Variants in EVC observed in about 807,000 individuals in gnomAD.
The protein encoded by EVC is evC complex member EVC.
EVC carries 116 observed loss-of-function variants against 118.9 expected under a neutral mutation model. That is an observed-to-expected ratio of 0.98 (90% confidence interval 0.84 to 1.14). EVC has a LOEUF of 1.14. EVC is among the 50% of genes most tolerant of loss of function. The probability of loss-of-function intolerance (pLI) is 0.00; values close to 1 mark genes in which losing one functional copy is unlikely to be tolerated. For missense variants in EVC, 1,401 were observed against 1,246.4 expected, an observed-to-expected ratio of 1.12 and a Z score of -1.87; for synonymous variants, 619 against 534.7, an observed-to-expected ratio of 1.16 and a Z score of -2.18.
Position 5,802,078 on chromosome 4 carries a change from C to A in EVC, c.2433C>A (p.His811Gln). 6.2e-7 allele frequency: 1 copy of A among 1,611,494 alleles called. No homozygotes were observed. Among genetic ancestry groups the A allele is most frequent in the Non-Finnish European group, 8.5e-7 (1 of 1,179,198 alleles). The part of the protein sequence containing the change: ...MEDHEERKLQ[H>Q]LKTLQGERME... The stretch of plus-strand genomic sequence containing the variant: ...ACCACGAGGAGAGAAAACTGCAGCA[C>A]CTGAAGACCCTGCAGGGTACGGGAC... Residue 811 changes from histidine to glutamine, a missense_variant, in exon 16 of 21, where the codon CAC becomes CAA. Coordinates refer to ENST00000264956, the MANE Select transcript of EVC (RefSeq NM_153717.3).
chr4:5,828,776 T>C, the EVC span: 1 of 1,315,250 alleles, frequency 7.6e-7, no homozygotes, highest in Non-Finnish European at 1.0e-6. Flanking sequence ...TTCCAATGTT[T>C]TTTTTTCTCT....
At chr4:5,729,853 G>A (rs1726501949) in intron 3 of EVC, among the ~76,000 whole-genome samples, 1 of 152,164 alleles carries the variant, frequency 6.6e-6, no homozygotes, top group South Asian at 2.1e-4. Context: ...TTACACGTAA[G>A]GAAACTGAGG....
chr4:5,802,121 C>A (rs770692070), intron 16 of EVC, 27 bp downstream of exon 16: 1 of 1,613,942 alleles, frequency 6.2e-7, no homozygotes, highest in Non-Finnish European at 8.5e-7. Flanking sequence ...CAGGGAAGCC[C>A]CAGAAGAGAC....
intron 12 of EVC, among the ~76,000 whole-genome samples, chr4:5,787,437 G>A (rs1379595119): frequency 1.3e-5 from 2 of 152,226 alleles, no homozygotes; most frequent in Non-Finnish European, 2.9e-5. Flanking sequence ...CAGTGCCAGA[G>A]TGAGGAGTGA....
rs1727827383 is a variant in EVC at position 5,737,195 on chromosome 4, C to T, written c.702+3760C>T. Among the ~76,000 whole-genome samples the T allele has an allele frequency of 6.6e-6, 1 of 152,200 alleles. No homozygotes were observed. The highest frequency in any genetic ancestry group is 1.5e-5 in the Non-Finnish European group (1 of 68,050). Reference sequence around the variant, plus strand: ...CCAAAGCCTAATCCAGAGCAATACTCTAACTCTCTTCAATTCTGTGAGTGC... The same window carrying T: ...CCAAAGCCTAATCCAGAGCAATACTTTAACTCTCTTCAATTCTGTGAGTGC... On this transcript the variant is annotated intron_variant, in intron 5 of 20. Transcript: ENST00000264956. The surrounding 1 kb of genome is among the most constrained non-coding windows in gnomAD (Gnocchi z 5.0).
rs1399253816 is a variant in EVC, at chr4:5,802,077, AC to A, written c.2434del (p.Leu812Ter). ...MEDHEERKLQ[H>X]LKTLQGERME... is the part of the protein sequence containing the mutation. ...GACCACGAGGAGAGAAAACTGCAGC[AC>A]CTGAAGACCCTGCAGGGTACGGGAC... On this transcript the variant is annotated frameshift_variant, in exon 16 of 21. Transcript: ENST00000264956. LOFTEE classifies it high-confidence loss of function. The A allele has an allele frequency of 6.2e-7, 1 of 1,612,242 alleles. No homozygotes were observed. Among genetic ancestry groups the A allele is most frequent in the Non-Finnish European group, 8.5e-7 (1 of 1,179,538 alleles).
intron 2 of EVC, among the ~76,000 whole-genome samples, chr4:5,724,663 C>G (rs546309762): frequency 4.0e-5 from 6 of 151,394 alleles, no homozygotes; most frequent in South Asian, 2.1e-4. Flanking sequence ...TCCTTGGAAG[C>G]TTGGGGAGGT....
intron 11 of EVC, among the ~76,000 whole-genome samples, chr4:5,770,131 C>A (rs1733715366): frequency 6.6e-6 from 1 of 152,074 alleles, no homozygotes; most frequent in African/African-American, 2.4e-5. Context: ...CACTTACTCC[C>A]CCTGGCCACA....
At chr4:5,711,970 T>A (rs1477124390) in intron 1 of EVC, among the ~76,000 whole-genome samples, 2 of 152,194 alleles carry the variant, frequency 1.3e-5, no homozygotes, top group East Asian at 1.9e-4. Flanking sequence ...TCGCCTGGCC[T>A]GAGTCCCAGC....
intron 5 of EVC, among the ~76,000 whole-genome samples, chr4:5,739,595 G>A (rs1728208759): frequency 6.6e-6 from 1 of 152,194 alleles, no homozygotes; most frequent in South Asian, 2.1e-4. Context: ...CAAAAACTGT[G>A]GCCCTTGAGC....
Position 5,720,627 on chromosome 4 carries a change from G to T in EVC, c.300+1254G>T, listed in dbSNP as rs145902625. Among the ~76,000 whole-genome samples, 785 of 152,342 alleles carry T rather than the reference G, an allele frequency of 5.2e-3. 2 individuals are homozygous for T. Among genetic ancestry groups the T allele is most frequent in the Non-Finnish European group, 8.3e-3 (567 of 68,032 alleles). ...TAGTTACTCTGAACAATCAGCTTTT[G>T]CGTTAGCCCTGCATCTCCCTCCCTG... On this transcript the variant is annotated intron_variant, in intron 2 of 20. Transcript: ENST00000264956.
rs779407888 is a variant in EVC, at chr4:5,798,542, T to A, written c.2098-44T>A. 1.3e-6 allele frequency: 2 copies of A among 1,529,966 alleles called. No individual in the cohort carries two copies. The highest frequency in any genetic ancestry group is 2.0e-5 in the Admixed American group (1 of 50,978). The allele number at this position is 1,529,966 out of a possible 1,614,324, so 94.8% of individuals were successfully genotyped here. A position where few individuals can be genotyped will look rare whatever the true frequency, so the allele number is the denominator to read the frequency against. On this transcript the variant is annotated intron_variant, in intron 14 of 20. Coordinates refer to ENST00000264956, the MANE Select transcript of EVC (RefSeq NM_153717.3). This position sits in a 1 kb window ranked among gnomAD's most constrained non-coding sequence, Gnocchi z 4.1. ...CCCAGTCCTGGCCAGAGCTTCTCTG[T>A]GAGAGGAGCACTTGGCCCCTGCTCC...
At chr4:5,761,507 G>A (rs116075991) in intron 11 of EVC, among the ~76,000 whole-genome samples, 1 of 148,600 alleles carries the variant, frequency 6.7e-6, no homozygotes, top group Non-Finnish European at 1.5e-5. Context: ...GGGGGCGGGG[G>A]GTGGTTGGGG....
At chr4:5,797,623 A>C (rs1479203329) in intron 14 of EVC, among the ~76,000 whole-genome samples, 1 of 152,100 alleles carries the variant, frequency 6.6e-6, no homozygotes, top group Non-Finnish European at 1.5e-5. Flanking sequence ...GACCTTAATC[A>C]CCTCCTCAAA....
At chr4:5,722,635 C>T (rs1003161258) in intron 2 of EVC, among the ~76,000 whole-genome samples, 5 of 152,284 alleles carry the variant, frequency 3.3e-5, no homozygotes, top group South Asian at 4.2e-4. Flanking sequence ...CCACAGCCTC[C>T]GTCTCTCCAT....
At chr4:5,753,147 C>A in intron 9 of EVC, 95 bp downstream of exon 9, 1 of 1,212,934 alleles carries the variant, frequency 8.2e-7, no homozygotes, top group Non-Finnish European at 1.2e-6. Context: ...GGGCAGTGTG[C>A]CCATGATGCC....
At chr4:5,794,284 T>C (rs533771236) in intron 13 of EVC, among the ~76,000 whole-genome samples, 410 of 137,954 alleles carry the variant, frequency 3.0e-3, no homozygotes, top group Admixed American at 4.7e-3. Context: ...TATATTTATA[T>C]ATATTTTTAT....
intron 8 of EVC, among the ~76,000 whole-genome samples, chr4:5,751,659 G>A (rs1730389202): frequency 6.6e-6 from 1 of 152,206 alleles, no homozygotes; most frequent in Non-Finnish European, 1.5e-5. Context: ...CTGTCTTCAA[G>A]GGCTCTCAGT....
At chr4:5,795,570 T>G (rs977118279) in intron 13 of EVC, among the ~76,000 whole-genome samples, 1 of 152,204 alleles carries the variant, frequency 6.6e-6, no homozygotes, top group African/African-American at 2.4e-5. Flanking sequence ...AAGAATTGCT[T>G]GAGCCCCAGA....
Sources: allele counts gnomAD v4.1 joint callset (sites outside exome capture counted in the v4.1 genomes callset), GRCh38; gene constraint gnomAD v4.1.1; non-coding constraint Gnocchi (gnomAD v3.1); transcripts MANE v1.5; gene names NCBI Gene and HGNC (gene_info 2026-07-23, HGNC 2026-07-21).